Variants in KLRG1 observed in about 807,000 individuals in gnomAD.
The protein encoded by KLRG1 is killer cell lectin-like receptor subfamily G member 1.
Under a neutral mutation model 21.8 loss-of-function variants are expected in KLRG1, and 16 were observed. That is an observed-to-expected ratio of 0.73 (90% confidence interval 0.50 to 1.11). The LOEUF is 1.11. Ranked by LOEUF, KLRG1 falls within the 50% of genes most tolerant of loss-of-function variation. The pLI is 0.00. For missense variants in KLRG1, 173 were observed against 218.3 expected (o/e 0.79, Z 1.31); for synonymous variants, 69 against 75.9 (o/e 0.91, Z 0.47).
intron 3 of KLRG1, among the ~76,000 whole-genome samples, chr12:9,001,780 C>T (rs989031688): frequency 7.2e-5 from 11 of 152,164 alleles, no homozygotes; most frequent in African/African-American, 1.2e-4. Context: ...ATTCCCCTGT[C>T]GCTGCTTTTG....
rs754267722 is a variant in KLRG1, at chr12:9,010,157, G to A, written c.*620G>A. On this transcript the variant is annotated 3_prime_UTR_variant, in exon 5 of 5. Coordinates refer to ENST00000356986, the MANE Select transcript of KLRG1 (RefSeq NM_005810.4). ...GCTATGATTGTGCCACTGTACTCCA[G>A]CCTGGGAGATAGAGCAAGACTCCAT... is the stretch of plus-strand genomic sequence containing the variant. 5.8e-5 allele frequency: 34 copies of A among 590,086 alleles called. No homozygotes were observed. The African/African-American group carries it at 6.3e-4, about 11-fold the overall frequency. 36.6% of individuals were successfully genotyped at this position (590,086 alleles called of 1,614,324 possible). A position where few individuals can be genotyped will look rare whatever the true frequency, so the allele number is the denominator to read the frequency against.
chr12:9,026,276 G>A, the KLRG1 span, among the ~76,000 whole-genome samples: 2 of 152,122 alleles, frequency 1.3e-5, no homozygotes, highest in South Asian at 2.1e-4. Context: ...TAATAGTGTA[G>A]GAGATGAAAT....
At chr12:8,957,452 A>G (rs1210868668) in intron 1 of KLRG1, among the ~76,000 whole-genome samples, 1 of 152,220 alleles carries the variant, frequency 6.6e-6, no homozygotes, top group African/African-American at 2.4e-5. Context: ...AATTTAACAG[A>G]TAGAGGATTT....
chr12:9,112,961 A>C, the KLRG1 span, among the ~76,000 whole-genome samples: 2 of 152,152 alleles, frequency 1.3e-5, no homozygotes, highest in East Asian at 3.9e-4. Context: ...ACCTTTGCTC[A>C]GGGTAATTTC....
At chr12:9,115,562 C>A in the KLRG1 span, 1 of 515,744 alleles carries the variant, frequency 1.9e-6, no homozygotes, top group South Asian at 2.3e-5. Flanking sequence ...GAAGGCTTTG[C>A]ATATTAGAGC....
intron 3 of KLRG1, among the ~76,000 whole-genome samples, chr12:8,995,686 CTTTT>C (rs34680435): frequency 2.1e-5 from 3 of 141,468 alleles, no homozygotes; most frequent in Admixed American, 7.1e-5. Flanking sequence ...GCAGCAGATT[CTTTT>C]TTTTTTTTTT....
the KLRG1 span, among the ~76,000 whole-genome samples, chr12:9,130,407 C>T: frequency 6.6e-6 from 1 of 152,014 alleles, no homozygotes; most frequent in African/African-American, 2.4e-5. Flanking sequence ...TTTTACAATC[C>T]CACCAACTGC....
At position 8,961,536 on chromosome 12, in the gene KLRG1, C is replaced by T. The variant is rs769327394; in HGVS notation, c.-156+11300C>T. 1.1e-4 allele frequency among the ~76,000 whole-genome samples: 16 copies of T among 152,248 alleles called. No homozygotes were observed. The South Asian group carries it at 3.3e-3, about 32-fold the overall frequency. ...CAAGTGATTCTCCTGCCTCAGCCTC[C>T]TGAGTAGCTGGGGTTACAGGCACCC... On this transcript the variant is annotated intron_variant, in intron 1 of 4. Coordinates refer to the KLRG1 transcript ENST00000539240.
At chr12:9,134,931 A>G in the KLRG1 span, among the ~76,000 whole-genome samples, 1 of 152,164 alleles carries the variant, frequency 6.6e-6, no homozygotes, top group Non-Finnish European at 1.5e-5. Flanking sequence ...AATGAAAGAA[A>G]AAAGTAGCTG....
At chr12:9,133,074 G>A in the KLRG1 span, among the ~76,000 whole-genome samples, 3 of 152,154 alleles carry the variant, frequency 2.0e-5, no homozygotes, top group East Asian at 5.8e-4. Context: ...TCATTTTAGA[G>A]ATAAGTAAAG....
chr12:9,036,172 A>G, the KLRG1 span, among the ~76,000 whole-genome samples: 2 of 152,266 alleles, frequency 1.3e-5, no homozygotes, highest in Non-Finnish European at 2.9e-5. Flanking sequence ...GAAAAAGTTT[A>G]TTAAGTAAAA....
chr12:9,101,458 A>G, the KLRG1 span: 7 of 1,613,452 alleles, frequency 4.3e-6, no homozygotes, highest in Non-Finnish European at 5.9e-6. Flanking sequence ...AGATAATAGA[A>G]GGAGAGCTTC....
the KLRG1 span, chr12:9,077,410 T>G: frequency 6.2e-7 from 1 of 1,613,134 alleles, no homozygotes; most frequent in Non-Finnish European, 8.5e-7. Flanking sequence ...CACTTCATCT[T>G]CTACTCCTCC....
the KLRG1 span, among the ~76,000 whole-genome samples, chr12:9,215,444 T>C: frequency 6.6e-6 from 1 of 152,046 alleles, no homozygotes; most frequent in Non-Finnish European, 1.5e-5. Context: ...TGGAATATGG[T>C]AGGCATTATT....
upstream of KLRG1, among the ~76,000 whole-genome samples, chr12:8,985,596 T>C (rs1008644207): frequency 1.3e-5 from 2 of 152,220 alleles, no homozygotes; most frequent in African/African-American, 2.4e-5. Flanking sequence ...AACTTCCCCT[T>C]TGAGTTCAGT....
the KLRG1 span, chr12:9,101,601 G>A: frequency 1.2e-6 from 2 of 1,614,024 alleles, no homozygotes; most frequent in Non-Finnish European, 1.7e-6. Context: ...AAGATAAGCA[G>A]TGTGATGTGC....
chr12:9,191,023 T>C, the KLRG1 span, among the ~76,000 whole-genome samples: 1 of 152,182 alleles, frequency 6.6e-6, no homozygotes, highest in Non-Finnish European at 1.5e-5. Flanking sequence ...GAAACAATTA[T>C]GATTTAATTA....
chr12:9,117,443 A>T, the KLRG1 span, among the ~76,000 whole-genome samples: 1 of 152,228 alleles, frequency 6.6e-6, no homozygotes, highest in Non-Finnish European at 1.5e-5. Context: ...GCAGATTTAT[A>T]TCATATTTAA....
chr12:9,162,629 T>C, the KLRG1 span: 2 of 1,595,288 alleles, frequency 1.3e-6, no homozygotes, highest in Admixed American at 3.3e-5. Flanking sequence ...GAAAGTCTTT[T>C]CTTGCTCAAT....
Sources: allele counts gnomAD v4.1 joint callset (sites outside exome capture counted in the v4.1 genomes callset), GRCh38; gene constraint gnomAD v4.1.1; transcripts MANE v1.5; gene names NCBI Gene and HGNC (gene_info 2026-07-23, HGNC 2026-07-21).